TRPC7: variants seen among roughly 807,000 people sequenced by gnomAD.
TRPC7 encodes short transient receptor potential channel 7.
A neutral mutation model predicts 90.1 loss-of-function variants in TRPC7; 42 were observed. That is an observed-to-expected ratio of 0.47 (90% CI 0.36 to 0.60). The LOEUF is 0.60. Among genes scored for constraint, TRPC7 ranks in the 20% least tolerant of loss-of-function variants. The probability of loss-of-function intolerance (pLI) is 0.00; values close to 1 mark genes in which losing one functional copy is unlikely to be tolerated. For missense variants in TRPC7, 955 were observed against 1,112.3 expected (o/e 0.86, Z 2.01); for synonymous variants, 451 against 436.3 (o/e 1.03, Z -0.42).
At chr5:136,295,283 T>TATA (rs892393662) in intron 3 of TRPC7, among the ~76,000 whole-genome samples, 175 of 151,826 alleles carry the variant, frequency 1.2e-3, no homozygotes, top group African/African-American at 3.7e-3. Flanking sequence ...AAACTTAAAG[T>TATA]ATAATAATAA....
chr5:136,339,895 T>C (rs573393723), intron 2 of TRPC7, among the ~76,000 whole-genome samples: 1 of 151,786 alleles, frequency 6.6e-6, no homozygotes, highest in East Asian at 1.9e-4. Context: ...ATGTCCTCTT[T>C]ATAACAGAAT....
chr5:136,264,670 G>A (rs920112518), intron 5 of TRPC7, among the ~76,000 whole-genome samples: 10 of 151,576 alleles, frequency 6.6e-5, no homozygotes, highest in Non-Finnish European at 1.0e-4. Context: ...TCCGCTCATC[G>A]AAACCTCTGC....
chr5:136,335,793 A>C (rs901458247), intron 2 of TRPC7, among the ~76,000 whole-genome samples: 43 of 150,324 alleles, frequency 2.9e-4, no homozygotes, highest in African/African-American at 9.8e-4. Flanking sequence ...AGTCCCAGCT[A>C]CTCGGGAGGC....
rs560824461 is a variant in TRPC7, at chr5:136,341,360, A to T, written c.780+15248T>A. ...TTTCTGCCAGATTTTATTATTAATT[A>T]AAAAAAAGCCAGTTGGGAACTGAAT... is the stretch of plus-strand genomic sequence containing the variant. On this transcript the variant is annotated intron_variant, in intron 2 of 11. Coordinates refer to ENST00000513104, the MANE Select transcript of TRPC7 (RefSeq NM_020389.3). Among the ~76,000 whole-genome samples, 15 of 152,010 alleles carry T rather than the reference A, an allele frequency of 9.9e-5. No homozygotes were observed. The South Asian group carries it at 1.5e-3, about 15-fold the overall frequency.
At chr5:136,354,502 T>C (rs1760300989) in intron 2 of TRPC7, among the ~76,000 whole-genome samples, 1 of 152,174 alleles carries the variant, frequency 6.6e-6, no homozygotes. Context: ...GTCCCTGGCT[T>C]ATGGCATGAA....
chr5:136,225,957 T>C, intron 9 of TRPC7, 77 bp downstream of exon 9: 1 of 1,280,590 alleles, frequency 7.8e-7, no homozygotes. Context: ...AGGGCAGCCA[T>C]ATGACTCAAA....
intron 2 of TRPC7, among the ~76,000 whole-genome samples, chr5:136,327,982 C>T (rs567111686): frequency 1.3e-5 from 2 of 152,266 alleles, no homozygotes; most frequent in South Asian, 4.1e-4. Flanking sequence ...GCCTAGTGCT[C>T]GTTATGGCAG....
chr5:136,287,153 G>A (rs1340040097), intron 3 of TRPC7, among the ~76,000 whole-genome samples: 1 of 152,104 alleles, frequency 6.6e-6, no homozygotes, highest in African/African-American at 2.4e-5. Context: ...CCTGGGAGAT[G>A]AGCCTGTCTT....
intron 2 of TRPC7, among the ~76,000 whole-genome samples, chr5:136,338,511 G>C (rs1759738442): frequency 6.6e-6 from 1 of 152,176 alleles, no homozygotes; most frequent in African/African-American, 2.4e-5. Context: ...AGTACATAGT[G>C]TCCTATCGCT....
chr5:136,264,561 G>C (rs1053622783), intron 5 of TRPC7, among the ~76,000 whole-genome samples: 1 of 151,980 alleles, frequency 6.6e-6, no homozygotes, highest in African/African-American at 2.4e-5. Context: ...TGTACTAAAT[G>C]AGCCTTTGGT....
intron 10 of TRPC7, among the ~76,000 whole-genome samples, chr5:136,217,111 C>T (rs910965161): frequency 2.0e-5 from 3 of 152,122 alleles, no homozygotes; most frequent in Admixed American, 2.0e-4. Context: ...CTCGGGTAGC[C>T]GAGACTTCTG....
intron 3 of TRPC7, among the ~76,000 whole-genome samples, chr5:136,298,155 G>A (rs1758247391): frequency 6.6e-6 from 1 of 152,156 alleles, no homozygotes; most frequent in Non-Finnish European, 1.5e-5. Context: ...ATGAGGGAGG[G>A]AGCAATGTGG....
At chr5:136,260,306 G>A (rs1013586094) in intron 5 of TRPC7, among the ~76,000 whole-genome samples, 3 of 152,212 alleles carry the variant, frequency 2.0e-5, no homozygotes, top group African/African-American at 7.2e-5. Flanking sequence ...TATTGTCAGA[G>A]GCGTTAATGG....
At chr5:136,323,173 T>G (rs1274486132) in intron 2 of TRPC7, among the ~76,000 whole-genome samples, 1 of 152,242 alleles carries the variant, frequency 6.6e-6, no homozygotes, top group African/African-American at 2.4e-5. Flanking sequence ...CCCCTTTCAC[T>G]TGGCTCTCAT....
Position 136,247,859 on chromosome 5 carries a change from A to C in TRPC7, c.1580-124T>G. 2 of 1,251,960 alleles carry C rather than the reference A, an allele frequency of 1.6e-6. No individual in the cohort carries two copies. Among genetic ancestry groups the C allele is most frequent in the Non-Finnish European group, 2.2e-6 (2 of 914,338 alleles). 77.6% of individuals were successfully genotyped at this position (1,251,960 alleles called of 1,614,324 possible). The stretch of plus-strand genomic sequence containing the variant: ...CCATTCTTGTCCTTGTCCTTAAATT[A>C]ATCCCAATATCCAGAAGTTGCCACC... On this transcript the variant is annotated intron_variant, in intron 6 of 11. Transcript: ENST00000513104. This position sits in a 1 kb window ranked among gnomAD's most constrained non-coding sequence, Gnocchi z 4.2.
intron 3 of TRPC7, among the ~76,000 whole-genome samples, chr5:136,297,013 C>T (rs992615981): frequency 2.6e-5 from 4 of 152,166 alleles, no homozygotes; most frequent in African/African-American, 9.7e-5. Context: ...TCCCAGGACA[C>T]CTGCAAGTCC....
At chr5:136,288,272 A>G (rs761312496) in intron 3 of TRPC7, among the ~76,000 whole-genome samples, 7 of 152,172 alleles carry the variant, frequency 4.6e-5, no homozygotes, top group Non-Finnish European at 8.8e-5. Flanking sequence ...AAGCAAATTC[A>G]TACTGTTTAT....
At chr5:136,288,806 T>C (rs1380760179) in intron 3 of TRPC7, among the ~76,000 whole-genome samples, 3 of 152,336 alleles carry the variant, frequency 2.0e-5, no homozygotes, top group African/African-American at 7.2e-5. Context: ...TCTGTAAATA[T>C]AATAACCAGT....
At chr5:136,217,071 G>T (rs1755290450) in intron 10 of TRPC7, among the ~76,000 whole-genome samples, 1 of 152,192 alleles carries the variant, frequency 6.6e-6, no homozygotes, top group African/African-American at 2.4e-5. Flanking sequence ...TTGGTCCAGG[G>T]TTCCTGCGAA....
Sources: allele counts gnomAD v4.1 joint callset (sites outside exome capture counted in the v4.1 genomes callset), GRCh38; gene constraint gnomAD v4.1.1; non-coding constraint Gnocchi (gnomAD v3.1); transcripts MANE v1.5; gene names NCBI Gene and HGNC (gene_info 2026-07-23, HGNC 2026-07-21).